HDAC9: variants seen among roughly 807,000 people sequenced by gnomAD.
HDAC9 encodes the protein MEF-2 interacting transcription repressor (MITR) protein.
HDAC9 carries 41 observed loss-of-function variants against 139.4 expected under a neutral mutation model. The observed-to-expected ratio is 0.29, with a 90% CI of 0.23 to 0.38. HDAC9 has a LOEUF of 0.38. Among genes scored for constraint, HDAC9 ranks in the 10% least tolerant of loss-of-function variants. The pLI is 1.00. For synonymous variants in HDAC9, 517 were observed against 476.2 expected (o/e 1.09, Z -1.12); for missense variants, 1,147 against 1,297.0 (o/e 0.88, Z 1.78).
At chr7:18,201,329 C>T (rs1012019123) in intron 2 of HDAC9, among the ~76,000 whole-genome samples, 1 of 152,208 alleles carries the variant, frequency 6.6e-6, no homozygotes, top group Non-Finnish European at 1.5e-5. Context: ...ATACCATTCT[C>T]TTTGTGTTCT....
At chr7:18,745,328 C>T (rs917803966) in intron 13 of HDAC9, among the ~76,000 whole-genome samples, 2 of 152,122 alleles carry the variant, frequency 1.3e-5, no homozygotes, top group African/African-American at 4.8e-5. Context: ...CTTCCAAGAG[C>T]CCCTGGACTT....
At chr7:18,087,104 C>G (rs1020451665) in exon 1 of HDAC9, 1 of 152,076 alleles carries the variant, frequency 6.6e-6, no homozygotes, top group Non-Finnish European at 1.5e-5. Context: ...TCTGCCTCAC[C>G]ATTCTCTTCT....
chr7:18,724,891 G>A (rs1785417524), intron 12 of HDAC9, among the ~76,000 whole-genome samples: 1 of 152,178 alleles, frequency 6.6e-6, no homozygotes, highest in Admixed American at 6.5e-5. Context: ...GACTATGGCA[G>A]GGAAAGGAGA....
intron 1 of HDAC9, among the ~76,000 whole-genome samples, chr7:18,325,206 G>A (rs539537229): frequency 1.7e-4 from 26 of 152,212 alleles, no homozygotes; most frequent in African/African-American, 6.3e-4. Flanking sequence ...GTTAAGATAA[G>A]CATGTGAATA....
chr7:18,277,192 AG>A (rs11316564), intron 2 of HDAC9, among the ~76,000 whole-genome samples: 58,134 of 151,986 alleles, frequency 0.38, 12,594 homozygotes, highest in Admixed American at 0.51. Context: ...AGAAGGAGAT[AG>A]GAAACAATGA....
rs537214032 is a variant in HDAC9, at chr7:18,335,074, A to G, written c.-42+44559A>G. Among the ~76,000 whole-genome samples, 14 of 151,634 alleles carry G rather than the reference A, an allele frequency of 9.2e-5. No individual in the cohort carries two copies. The East Asian group carries it at 2.1e-3, about 23-fold the overall frequency. On this transcript the variant is annotated intron_variant, in intron 1 of 3. Transcript: ENST00000413509. ...ACTTTCAGACACCTGAAATATGGGA[A>G]GCTGGGAGTGAGGGATTGAAAAGGG...
intron 21 of HDAC9, among the ~76,000 whole-genome samples, chr7:18,847,089 A>G (rs1796958644): frequency 6.6e-6 from 1 of 152,124 alleles, no homozygotes; most frequent in Non-Finnish European, 1.5e-5. Context: ...CTTAATTACT[A>G]AGCTTTATTG....
chr7:18,392,311 T>TCACACACA (rs1448388852), intron 1 of HDAC9, among the ~76,000 whole-genome samples: 3 of 124,600 alleles, frequency 2.4e-5, no homozygotes, highest in African/African-American at 1.0e-4. Context: ...TCTCTCTCTC[T>TCACACACA]CTCTCACACA....
At chr7:18,885,262 C>CT (rs1373012703) in intron 22 of HDAC9, among the ~76,000 whole-genome samples, 5 of 152,168 alleles carry the variant, frequency 3.3e-5, no homozygotes, top group African/African-American at 1.2e-4. Flanking sequence ...AGATTATATT[C>CT]TTGACTGAAA....
chr7:18,656,577 T>A (rs1355732215), intron 11 of HDAC9, among the ~76,000 whole-genome samples: 9 of 152,300 alleles, frequency 5.9e-5, no homozygotes, highest in Non-Finnish European at 1.2e-4. Flanking sequence ...ATATTCAACC[T>A]TTTTGTTTAA....
chr7:18,772,491 G>C (rs1790382605), intron 16 of HDAC9, among the ~76,000 whole-genome samples: 1 of 152,044 alleles, frequency 6.6e-6, no homozygotes, highest in Non-Finnish European at 1.5e-5. Flanking sequence ...GGAGGGGGTA[G>C]CATCTGCTTC....
chr7:18,742,575 C>A (rs944395128), intron 13 of HDAC9, among the ~76,000 whole-genome samples: 1 of 152,114 alleles, frequency 6.6e-6, no homozygotes, highest in African/African-American at 2.4e-5. Flanking sequence ...TGGAATCTAA[C>A]CAGCAATATG....
At chr7:18,731,744 G>T (rs1786067844) in intron 13 of HDAC9, among the ~76,000 whole-genome samples, 1 of 152,080 alleles carries the variant, frequency 6.6e-6, no homozygotes, top group South Asian at 2.1e-4. Context: ...TCCTGCCTCA[G>T]CCTCCCTAGT....
At chr7:18,581,421 G>A (rs1021838212) in intron 2 of HDAC9, among the ~76,000 whole-genome samples, 3 of 152,094 alleles carry the variant, frequency 2.0e-5, no homozygotes, top group Non-Finnish European at 4.4e-5. Context: ...TGGGATAGCA[G>A]GTTAAGAAGT....
intron 1 of HDAC9, among the ~76,000 whole-genome samples, chr7:18,341,173 A>G (rs903939841): frequency 2.6e-5 from 4 of 151,264 alleles, no homozygotes; most frequent in African/African-American, 9.7e-5. Flanking sequence ...CTTTTGGAGA[A>G]ATTTGATGAT....
chr7:18,161,363 A>G (rs996574473), intron 1 of HDAC9, among the ~76,000 whole-genome samples: 3 of 152,246 alleles, frequency 2.0e-5, no homozygotes, highest in Non-Finnish European at 4.4e-5. Context: ...ACGAGTCACA[A>G]TAAATACGTT....
chr7:18,173,894 A>G (rs572580767), intron 2 of HDAC9, among the ~76,000 whole-genome samples: 10 of 152,026 alleles, frequency 6.6e-5, no homozygotes, highest in African/African-American at 2.2e-4. Flanking sequence ...CTTCGTTTCA[A>G]CCTTGGTGAA....
intron 2 of HDAC9, among the ~76,000 whole-genome samples, chr7:18,224,830 A>G (rs1165377821): frequency 1.3e-5 from 2 of 152,208 alleles, no homozygotes; most frequent in Non-Finnish European, 2.9e-5. Flanking sequence ...GGGAGGAGAA[A>G]GGATAATAAA....
intron 6 of HDAC9, among the ~76,000 whole-genome samples, chr7:18,616,640 G>A (rs889093235): frequency 6.6e-6 from 1 of 152,156 alleles, no homozygotes; most frequent in East Asian, 1.9e-4. Context: ...AAACCATAAA[G>A]GTTGTCTAAA....
Sources: gnomAD v4.1 joint callset for allele counts (sites outside exome capture counted in the v4.1 genomes callset) on GRCh38, gnomAD v4.1.1 for gene constraint, MANE v1.5 for transcripts, NCBI Gene and HGNC (gene_info 2026-07-23, HGNC 2026-07-21) for gene names.